Variants in CPQ observed in about 807,000 individuals in gnomAD.
CPQ encodes carboxypeptidase Q.
In CPQ, 37 loss-of-function variants were observed where a neutral mutation model predicts 45.7. That is an observed-to-expected ratio of 0.81 (90% CI 0.62 to 1.07). The LOEUF is 1.07. CPQ is among the 50% of genes least tolerant of loss of function. The pLI is 0.00. For missense variants in CPQ, 537 were observed against 572.9 expected, an observed-to-expected ratio of 0.94 and a Z score of 0.64; for synonymous variants, 186 against 205.8, an observed-to-expected ratio of 0.90 and a Z score of 0.82.
intron 1 of CPQ, among the ~76,000 whole-genome samples, chr8:96,757,368 TAATA>T (rs1405282344): frequency 7.2e-6 from 1 of 139,046 alleles, no homozygotes; most frequent in African/African-American, 2.6e-5. Flanking sequence ...ATAATAATAA[TAATA>T]ATAATAATAA....
At chr8:97,129,559 T>C (rs992396358) in intron 7 of CPQ, among the ~76,000 whole-genome samples, 1 of 152,148 alleles carries the variant, frequency 6.6e-6, no homozygotes, top group Non-Finnish European at 1.5e-5. Context: ...CATTAAACCA[T>C]GTATCATTTA....
chr8:96,831,650 G>A (rs960062255), intron 2 of CPQ, among the ~76,000 whole-genome samples: 1 of 152,094 alleles, frequency 6.6e-6, no homozygotes, highest in African/African-American at 2.4e-5. Flanking sequence ...TCTTCCTAAA[G>A]TATTTTGTAC....
At chr8:96,906,237 T>C (rs1812574766) in intron 4 of CPQ, among the ~76,000 whole-genome samples, 1 of 152,174 alleles carries the variant, frequency 6.6e-6, no homozygotes, top group African/African-American at 2.4e-5. Flanking sequence ...TTATATTAAC[T>C]CCTCTCAGCC....
At position 96,710,625 on chromosome 8, in the gene CPQ, T is replaced by C. The variant is rs1018425824; in HGVS notation, c.-35+65223T>C. 4.6e-5 allele frequency among the ~76,000 whole-genome samples: 7 copies of C among 152,192 alleles called. No individual in the cohort carries two copies. The East Asian group carries it at 1.2e-3, about 25-fold the overall frequency. On this transcript the variant is annotated intron_variant, in intron 1 of 7. Transcript: ENST00000220763. ...ACCGCAAAAATCATTCAGGAGCTGATTGCTTAATTTCCATGTATTTGTGTA... is the reference window on the plus strand; with the variant it reads ...ACCGCAAAAATCATTCAGGAGCTGACTGCTTAATTTCCATGTATTTGTGTA...
At chr8:96,795,250 G>A (rs1269473913) in intron 2 of CPQ, among the ~76,000 whole-genome samples, 2 of 152,158 alleles carry the variant, frequency 1.3e-5, no homozygotes. Context: ...AAGGTGAAAG[G>A]CATTTCTCAC....
At chr8:97,132,253 A>T (rs893040221) in intron 7 of CPQ, among the ~76,000 whole-genome samples, 1 of 152,098 alleles carries the variant, frequency 6.6e-6, no homozygotes, top group Admixed American at 6.6e-5. Flanking sequence ...GACCTATCTC[A>T]TATTACTGTG....
chr8:96,689,270 G>T lies in CPQ; in HGVS notation c.-35+43868G>T, dbSNP rs1483719056. Among the ~76,000 whole-genome samples, 3 of 151,288 alleles carry T rather than the reference G, an allele frequency of 2.0e-5. No individual in the cohort carries two copies. In the East Asian group the frequency reaches 5.9e-4, roughly 30 times the overall value. ...TAAATTTGTGTAGGTCTCCAGTGGT[G>T]TCTGCTACCTCTGTCTCTATAAAAT... is the stretch of plus-strand genomic sequence containing the variant. On this transcript the variant is annotated intron_variant, in intron 1 of 7. Transcript: ENST00000220763.
At chr8:96,801,492 A>G (rs1421712935) in intron 2 of CPQ, among the ~76,000 whole-genome samples, 5 of 152,110 alleles carry the variant, frequency 3.3e-5, no homozygotes, top group African/African-American at 1.2e-4. Context: ...TAAATTATTC[A>G]CTTTTTAAAA....
chr8:96,946,377 CA>C (rs1813188659), intron 4 of CPQ, among the ~76,000 whole-genome samples: 1 of 152,116 alleles, frequency 6.6e-6, no homozygotes, highest in Non-Finnish European at 1.5e-5. Flanking sequence ...TAATGTATCA[CA>C]TTTCACTAAT....
chr8:97,006,319 A>G (rs1809381440), intron 5 of CPQ, among the ~76,000 whole-genome samples: 1 of 152,090 alleles, frequency 6.6e-6, no homozygotes, highest in Non-Finnish European at 1.5e-5. Context: ...TCCCGTGTCT[A>G]TGTCCTGCCA....
chr8:97,069,100 C>T (rs1188851978), intron 7 of CPQ, among the ~76,000 whole-genome samples: 1 of 152,206 alleles, frequency 6.6e-6, no homozygotes, highest in Non-Finnish European at 1.5e-5. Context: ...CTTTGTTCTA[C>T]TCCCTTCTTT....
intron 4 of CPQ, among the ~76,000 whole-genome samples, chr8:96,910,527 C>A (rs572294745): frequency 6.6e-6 from 1 of 152,040 alleles, no homozygotes; most frequent in Non-Finnish European, 1.5e-5. Context: ...CTCTTTGAGA[C>A]GGAGTCTCAC....
intron 7 of CPQ, among the ~76,000 whole-genome samples, chr8:97,107,844 A>G (rs578248520): frequency 1.2e-4 from 19 of 152,346 alleles, no homozygotes; most frequent in African/African-American, 4.1e-4. Flanking sequence ...AGTGGGAAAT[A>G]GATGATGTGG....
At chr8:96,810,297 C>A (rs553783103) in intron 2 of CPQ, among the ~76,000 whole-genome samples, 1 of 152,168 alleles carries the variant, frequency 6.6e-6, no homozygotes, top group African/African-American at 2.4e-5. Flanking sequence ...CACTTTTATA[C>A]CCTGGTGCCC....
intron 4 of CPQ, among the ~76,000 whole-genome samples, chr8:96,884,389 A>G (rs1044334325): frequency 6.6e-6 from 1 of 152,080 alleles, no homozygotes; most frequent in Non-Finnish European, 1.5e-5. Context: ...AATGAGGCTC[A>G]AAGTTATTTT....
At chr8:96,966,092 A>G in intron 5 of CPQ, 46 bp downstream of exon 5, 1 of 1,358,628 alleles carries the variant, frequency 7.4e-7, no homozygotes, top group Non-Finnish European at 1.0e-6. Flanking sequence ...GATCTCAGTG[A>G]CATGTTTAAC....
chr8:96,888,737 A>C (rs1812335851), intron 4 of CPQ, among the ~76,000 whole-genome samples: 1 of 152,212 alleles, frequency 6.6e-6, no homozygotes, highest in African/African-American at 2.4e-5. Context: ...ATTTTTGATC[A>C]TGGAACACTG....
chr8:96,658,927 C>A (rs553132552), intron 1 of CPQ, among the ~76,000 whole-genome samples: 25 of 152,338 alleles, frequency 1.6e-4, no homozygotes, highest in Non-Finnish European at 3.2e-4. Flanking sequence ...CAGTGTCAGA[C>A]TTCTGACCTA....
chr8:97,136,584 G>A (rs1336528691), intron 7 of CPQ, among the ~76,000 whole-genome samples: 1 of 152,130 alleles, frequency 6.6e-6, no homozygotes, highest in Admixed American at 6.5e-5. Flanking sequence ...AGCCCTACCT[G>A]CCTCTAAACC....
Sources: allele counts gnomAD v4.1 joint callset (sites outside exome capture counted in the v4.1 genomes callset), GRCh38; gene constraint gnomAD v4.1.1; transcripts MANE v1.5; gene names NCBI Gene and HGNC (gene_info 2026-07-23, HGNC 2026-07-21).